TNFRSF4: variants seen among roughly 807,000 people sequenced by gnomAD.
TNFRSF4 encodes TNF receptor superfamily member 4.
In TNFRSF4, 21 loss-of-function variants were observed where a neutral mutation model predicts 29.5. That is an observed-to-expected ratio of 0.71 (90% CI 0.51 to 1.03). The LOEUF (loss-of-function observed/expected upper bound fraction) is 1.03, where lower values mean the gene tolerates loss of function less well. Among genes scored for constraint, TNFRSF4 ranks in the 50% least tolerant of loss-of-function variants. The pLI, the probability that TNFRSF4 is intolerant of heterozygous loss-of-function variation, is 0.00. For missense variants in TNFRSF4, 408 were observed against 387.8 expected, an observed-to-expected ratio of 1.05 and a Z score of -0.44; for synonymous variants, 197 against 172.7, an observed-to-expected ratio of 1.14 and a Z score of -1.10.
At position 1,211,735 on chromosome 1, in the gene TNFRSF4, C is replaced by G; in HGVS notation, c.732G>C (p.Gln244His). ...GCTTGTGGGCATCGGGGGGCAGCCT[C>G]TGGTCCCTCCGGAGCAGGTACAGGG... Reference protein sequence around the residue: ...LLALYLLRRDQRLPPDAHKPP... With the variant: ...LLALYLLRRDHRLPPDAHKPP... The change falls in exon 6 of 7, where the codon CAG (glutamine) becomes CAC (histidine). Residue 244 changes from glutamine to histidine, a missense_variant. Gln to His is a conservative substitution (Grantham distance 24). Coordinates refer to ENST00000379236, the MANE Select transcript of TNFRSF4 (RefSeq NM_003327.4). 6.3e-7 allele frequency: 1 copy of G among 1,581,644 alleles called. No individual in the cohort carries two copies. The highest frequency in any genetic ancestry group is 8.6e-7 in the Non-Finnish European group (1 of 1,165,240).
intron 3 of TNFRSF4, 69 bp downstream of exon 3, chr1:1,212,923 A>G (rs1204908485): frequency 2.7e-6 from 4 of 1,477,088 alleles, no homozygotes; most frequent in African/African-American, 1.4e-5. Context: ...CCTGCGGCCC[A>G]CGGCCCATCT....
chr1:1,212,984 G>T lies in TNFRSF4; in HGVS notation c.370+8C>A, dbSNP rs376518717. On this transcript the variant is annotated splice_region_variant and intron_variant, in intron 3 of 6. Transcript: ENST00000379236. The stretch of plus-strand genomic sequence containing the variant: ...CCCCCAACCGCCGGCCGCAGCCACC[G>T]AGCTCACCAACTCCAGGCTTGTAGC... 1.9e-6 allele frequency: 3 copies of T among 1,607,530 alleles called. No individual in the cohort carries two copies. In the African/African-American group the frequency reaches 4.0e-5, roughly 21 times the overall value.
Position 1,212,624 on chromosome 1 carries a change from G to GGC in TNFRSF4, c.437+13_437+14insGC. ...CCCCCCCAGCCCCTCCCAGCCCCTG[G>GGC]CCAGGCCCCTCACTTGGTCCAGGGC... On this transcript the variant is annotated intron_variant, in intron 4 of 6. Transcript: ENST00000379236. The GGC allele has an allele frequency of 6.6e-7, 1 of 1,506,190 alleles. No homozygotes were observed. Among genetic ancestry groups the GGC allele is most frequent in the Non-Finnish European group, 8.9e-7 (1 of 1,123,272 alleles). The allele number at this position is 1,506,190 out of a possible 1,614,324, so 93.3% of individuals were successfully genotyped here. A position where few individuals can be genotyped will look rare whatever the true frequency, so the allele number is the denominator to read the frequency against.
In TNFRSF4 at chr1:1,212,182, G is replaced by A. The variant is rs376947618; in HGVS notation, c.438-44C>T. 9.2e-4 allele frequency: 1,477 copies of A among 1,603,484 alleles called. 14 individuals carry two copies. The highest frequency in any genetic ancestry group is 2.5e-3 in the South Asian group (227 of 89,802). The stretch of plus-strand genomic sequence containing the variant: ...TGTTGCTCAGGCCAGAAACCCCCTG[G>A]GACCCGGGAGATGCGGTGGGGATAA... On this transcript the variant is annotated intron_variant, in intron 4 of 6. Coordinates refer to ENST00000379236, the MANE Select transcript of TNFRSF4 (RefSeq NM_003327.4).
chr1:1,211,929 C>G lies in TNFRSF4; in HGVS notation c.634+13G>C. ...GGTTGGGGGCCCCGCTGGGCTGGGCCAGGCGCCCTTACCCCCGGGGACCTC... is the reference window on the plus strand; with the variant it reads ...GGTTGGGGGCCCCGCTGGGCTGGGCGAGGCGCCCTTACCCCCGGGGACCTC... On this transcript the variant is annotated intron_variant, in intron 5 of 6. Coordinates refer to ENST00000379236, the MANE Select transcript of TNFRSF4 (RefSeq NM_003327.4). 1 of 1,536,504 alleles carries G rather than the reference C, an allele frequency of 6.5e-7. No homozygotes were observed. The highest frequency in any genetic ancestry group is 8.7e-7 in the Non-Finnish European group (1 of 1,145,730).
In TNFRSF4 at chr1:1,212,672, G is replaced by A; in HGVS notation, c.403C>T (p.Pro135Ser). The change falls in exon 4 of 7, where the codon CCA becomes TCA. Residue 135 changes from proline to serine, a missense_variant. Physicochemically the swap from Pro to Ser is moderately conservative, Grantham distance 74 (BLOSUM62 -1). Transcript: ENST00000379236. ...CAPCPPGHFS[P>S]GDNQACKPWT... ...GGCTTGCAGGCCTGGTTGTCGCCTG[G>A]GGAGAAGTGCCCTGGAGGGCAGGGG... 6.5e-7 allele frequency: 1 copy of A among 1,543,684 alleles called. No individual in the cohort carries two copies. The highest frequency in any genetic ancestry group is 1.5e-5 in the African/African-American group (1 of 65,250).
chr1:1,212,143 T>TG lies in TNFRSF4; in HGVS notation c.438-6dup. On this transcript the variant is annotated splice_polypyrimidine_tract_variant and splice_region_variant and intron_variant, in intron 4 of 6. Coordinates refer to ENST00000379236, the MANE Select transcript of TNFRSF4 (RefSeq NM_003327.4). ...TGCTTCCCAGCCAAGGTGCAGCTGTTGGGGAACAGGAGGTGTTGCTCAGGC... is the reference window on the plus strand; with the variant it reads ...TGCTTCCCAGCCAAGGTGCAGCTGTTGGGGGAACAGGAGGTGTTGCTCAGGC... The TG allele has an allele frequency of 6.2e-7, 1 of 1,612,414 alleles. No homozygotes were observed. Among genetic ancestry groups the TG allele is most frequent in the Non-Finnish European group, 8.5e-7 (1 of 1,179,710 alleles).
chr1:1,213,341 A>G (rs1649281709), intron 2 of TNFRSF4: 3 of 1,528,162 alleles, frequency 2.0e-6, no homozygotes, highest in Non-Finnish European at 1.8e-6. Flanking sequence ...CACCGCCTCC[A>G]GCCGCCAGCC....
chr1:1,213,250 C>T (rs1327933522), intron 2 of TNFRSF4, 157 bp from the exon 3 acceptor site: 2 of 1,533,686 alleles, frequency 1.3e-6, no homozygotes, highest in African/African-American at 1.4e-5. Context: ...CCTGCAGCCC[C>T]CGAGGCTCCT....
Position 1,212,012 on chromosome 1 carries a change from A to G in TNFRSF4, c.564T>C (p.Thr188=). Residue 188 remains threonine, a synonymous_variant, in exon 5 of 7, where the codon ACT becomes ACC. Coordinates refer to ENST00000379236, the MANE Select transcript of TNFRSF4 (RefSeq NM_003327.4). ...ETQGPPARPI[T]VQPTEAWPRT... is the part of the protein sequence containing the mutation. Reference sequence around the variant, plus strand: ...TGGGCCAGGCTTCAGTGGGCTGGACAGTGATGGGCCTGGCCGGGGGGCCCT... The same window carrying G: ...TGGGCCAGGCTTCAGTGGGCTGGACGGTGATGGGCCTGGCCGGGGGGCCCT... 1.2e-6 allele frequency: 2 copies of G among 1,609,664 alleles called. No individual in the cohort carries two copies. Among genetic ancestry groups the G allele is most frequent in the Non-Finnish European group, 8.5e-7 (1 of 1,178,710 alleles).
intron 2 of TNFRSF4, chr1:1,213,454 C>G (rs1411432344): frequency 2.6e-6 from 4 of 1,509,512 alleles, no homozygotes; most frequent in Admixed American, 2.2e-5. Flanking sequence ...TCCACGTGGC[C>G]TGGGCCGAGT....
At position 1,212,066 on chromosome 1, in the gene TNFRSF4, G is replaced by A. The variant is rs368736683; in HGVS notation, c.510C>T (p.Asp170=). Residue 170 remains aspartate, a synonymous_variant, in exon 5 of 7, where the codon GAC becomes GAT. Transcript: ENST00000379236. ...TCTCCTGGGGCTGCGTGGCTGGGGG[G>A]TCCCTGTCCTCACAGATTGCGTCCG... ...NSSDAICEDR[D]PPATQPQETQ... is the part of the protein sequence containing the mutation. 2.5e-5 allele frequency: 40 copies of A among 1,612,230 alleles called. No homozygotes were observed. Among genetic ancestry groups the A allele is most frequent in the East Asian group, 1.8e-4 (8 of 44,890 alleles).
At chr1:1,213,359 C>T (rs1048678444) in intron 2 of TNFRSF4, 12 of 1,530,924 alleles carry the variant, frequency 7.8e-6, no homozygotes, top group African/African-American at 2.7e-5. Flanking sequence ...GCCCCGCCTG[C>T]GGCAGGGTCT....
intron 4 of TNFRSF4, 145 bp from the exon 5 acceptor site, chr1:1,212,283 GC>G: frequency 1.1e-6 from 1 of 930,900 alleles, no homozygotes; most frequent in Non-Finnish European, 1.6e-6. Context: ...ACGCTGCCCA[GC>G]CCCACGTGCC....
At position 1,214,087 on chromosome 1, in the gene TNFRSF4, G is replaced by C. The variant is rs569590056; in HGVS notation, c.41C>G (p.Ala14Gly). ...CCCCAGGCCCAGGAGGAGCAGAGCC[G>C]CACACGGCCCGCGGCCCAGCCGCCG... Reference protein sequence around the residue: ...GARRLGRGPCAALLLLGLGLS... With the variant: ...GARRLGRGPCGALLLLGLGLS... Residue 14 changes from alanine (A) to glycine (G), a missense_variant, in exon 1 of 7, where the codon GCG (alanine) becomes GGG (glycine). By Grantham distance (60) the Ala-to-Gly change is moderately conservative. Transcript: ENST00000379236. This position sits in a 1 kb window ranked among gnomAD's most constrained non-coding sequence, Gnocchi z 4.2. The C allele has an allele frequency of 6.3e-7, 1 of 1,588,906 alleles. No individual in the cohort carries two copies. The highest frequency in any genetic ancestry group is 8.5e-7 in the Non-Finnish European group (1 of 1,172,138).
At position 1,211,681 on chromosome 1, in the gene TNFRSF4, C is replaced by T. The variant is rs373618638; in HGVS notation, c.763+23G>A. ...TGGGCCTCACCCGCCAGGAGCAGTGCGGCAGGGCCATGAGGCACTCACCAG... is the reference window on the plus strand; with the variant it reads ...TGGGCCTCACCCGCCAGGAGCAGTGTGGCAGGGCCATGAGGCACTCACCAG... On this transcript the variant is annotated intron_variant, in intron 6 of 6. Transcript: ENST00000379236. 53 of 1,586,790 alleles carry T rather than the reference C, an allele frequency of 3.3e-5. No individual in the cohort carries two copies. The Admixed American group carries it at 4.1e-4, about 12-fold the overall frequency.
At position 1,212,986 on chromosome 1, in the gene TNFRSF4, G is replaced by A; in HGVS notation, c.370+6C>T. On this transcript the variant is annotated splice_donor_region_variant and intron_variant, in intron 3 of 6. Transcript: ENST00000379236. ...CCCAACCGCCGGCCGCAGCCACCGA[G>A]CTCACCAACTCCAGGCTTGTAGCTG... The A allele has an allele frequency of 6.2e-7, 1 of 1,608,226 alleles. No individual in the cohort carries two copies. Among genetic ancestry groups the A allele is most frequent in the Non-Finnish European group, 8.5e-7 (1 of 1,177,622 alleles).
At position 1,211,508 on chromosome 1, in the gene TNFRSF4, C is replaced by G. The variant is rs372174455; in HGVS notation, c.*47G>C. 1.1e-5 allele frequency: 16 copies of G among 1,470,534 alleles called. No homozygotes were observed. Among genetic ancestry groups the G allele is most frequent in the Non-Finnish European group, 1.4e-5 (16 of 1,113,708 alleles). 91.1% of individuals were successfully genotyped at this position (1,470,534 alleles called of 1,614,324 possible). A position where few individuals can be genotyped will look rare whatever the true frequency, so the allele number is the denominator to read the frequency against. ...TGCCCTGCTCGCCCAGCAGACCCTC[C>G]GGGCTCCAGCCTGGCGGGGCCCAGC... On this transcript the variant is annotated 3_prime_UTR_variant, in exon 7 of 7. Transcript: ENST00000379236.
chr1:1,212,196 C>T (rs544391034), intron 4 of TNFRSF4, 58 bp from the exon 5 acceptor site: 728 of 1,582,182 alleles, frequency 4.6e-4, no homozygotes, highest in Non-Finnish European at 5.8e-4. Flanking sequence ...CCGGGAGATG[C>T]GGTGGGGATA....
Sources: allele counts gnomAD v4.1 joint callset, GRCh38; gene constraint gnomAD v4.1.1; non-coding constraint Gnocchi (gnomAD v3.1); transcripts MANE v1.5; gene names NCBI Gene and HGNC (gene_info 2026-07-23, HGNC 2026-07-21).